Variants in USP43 observed in about 807,000 individuals in gnomAD.
USP43 encodes the protein ubiquitin carboxyl-terminal hydrolase 43.
In USP43, 33 loss-of-function variants were observed where a neutral mutation model predicts 90.7. The observed-to-expected ratio is 0.36, with a 90% confidence interval of 0.28 to 0.49. The LOEUF is 0.49. USP43 is among the 20% of genes least tolerant of loss of function. USP43 has a pLI of 0.98. For missense variants in USP43, 1,274 were observed against 1,476.4 expected (o/e 0.86, Z 2.25); for synonymous variants, 598 against 615.8 (o/e 0.97, Z 0.43).
At chr17:9,694,563 C>A (rs1459755564) in intron 9 of USP43, among the ~76,000 whole-genome samples, 4 of 152,082 alleles carry the variant, frequency 2.6e-5, no homozygotes, top group Admixed American at 2.6e-4. Flanking sequence ...AAAAATGGAA[C>A]TTTTATTTTA....
chr17:9,709,915 G>C lies in USP43; in HGVS notation c.2012-41G>C. On this transcript the variant is annotated intron_variant, in intron 12 of 14. Coordinates refer to ENST00000285199, the MANE Select transcript of USP43 (RefSeq NM_153210.5). This position sits in a 1 kb window ranked among gnomAD's most constrained non-coding sequence, Gnocchi z 5.0. ...AGTGGGAAATGTCTTCCTACCTTTT[G>C]GGGCTCCAATAACTCAGACTTGGGG... 4.3e-6 allele frequency: 6 copies of C among 1,380,106 alleles called. No homozygotes were observed. The highest frequency in any genetic ancestry group is 5.7e-6 in the Non-Finnish European group (6 of 1,057,480). The allele number at this position is 1,380,106 out of a possible 1,614,324, so 85.5% of individuals were successfully genotyped here. A position where few individuals can be genotyped will look rare whatever the true frequency, so the allele number is the denominator to read the frequency against.
chr17:9,687,971 A>G (rs1360772004), intron 8 of USP43, among the ~76,000 whole-genome samples: 1 of 152,104 alleles, frequency 6.6e-6, no homozygotes, highest in Admixed American at 6.5e-5. Context: ...AATGGATGAA[A>G]CTATGCTTTT....
chr17:9,728,486 G>A lies in USP43; in HGVS notation c.2868G>A (p.Lys956=). 1 of 1,613,816 alleles carries A rather than the reference G, an allele frequency of 6.2e-7. No homozygotes were observed. Among genetic ancestry groups the A allele is most frequent in the Non-Finnish European group, 8.5e-7 (1 of 1,179,804 alleles). The part of the protein sequence containing the change: ...RPEGQKAMNW[K]ESFQMGSKSS... ...AGGGCCAGAAGGCCATGAACTGGAA[G>A]GAGAGCTTCCAGATGGGAAGCAAAA... Residue 956 remains lysine (K), a synonymous_variant, in exon 15 of 15, where the codon AAG becomes AAA. Coordinates refer to ENST00000285199, the MANE Select transcript of USP43 (RefSeq NM_153210.5). The surrounding 1 kb of genome is among the most constrained non-coding windows in gnomAD (Gnocchi z 6.2).
intron 9 of USP43, among the ~76,000 whole-genome samples, chr17:9,696,222 C>T (rs1386302777): frequency 6.6e-6 from 1 of 152,070 alleles, no homozygotes; most frequent in Non-Finnish European, 1.5e-5. Context: ...CAACCCCCGC[C>T]TCCTGGATTC....
chr17:9,686,839 C>G lies in USP43; in HGVS notation c.1283C>G (p.Ser428Cys), dbSNP rs199841015. ...CTGATAAGGGAAGACAGAGCTGTTTCCTGGGCCCAGCTCCAGCAGTCTATC... is the reference window on the plus strand; with the variant it reads ...CTGATAAGGGAAGACAGAGCTGTTTGCTGGGCCCAGCTCCAGCAGTCTATC... ...PFLIREDRAV[S>C]WAQLQQSILS... Residue 428 changes from serine (S) to cysteine (C), a missense_variant, in exon 8 of 15, where the codon TCC (serine) becomes TGC (cysteine). Ser to Cys is a moderately radical substitution (Grantham distance 112). Coordinates refer to ENST00000285199, the MANE Select transcript of USP43 (RefSeq NM_153210.5). This position sits in a 1 kb window ranked among gnomAD's most constrained non-coding sequence, Gnocchi z 5.5. 80 of 1,613,792 alleles carry G rather than the reference C, an allele frequency of 5.0e-5. No individual in the cohort carries two copies. Among genetic ancestry groups the G allele is most frequent in the Admixed American group, 5.0e-5 (3 of 59,986 alleles).
chr17:9,709,936 T>C lies in USP43; in HGVS notation c.2012-20T>C, dbSNP rs771346183. On this transcript the variant is annotated intron_variant, in intron 12 of 14. Transcript: ENST00000285199. This position sits in a 1 kb window ranked among gnomAD's most constrained non-coding sequence, Gnocchi z 5.0. ...TTTTGGGGCTCCAATAACTCAGACT[T>C]GGGGATGGGACCTTTGCAGCCTACT... 4.3e-6 allele frequency: 6 copies of C among 1,400,818 alleles called. No homozygotes were observed. In the African/African-American group the frequency reaches 8.8e-5, roughly 21 times the overall value. 86.8% of individuals were successfully genotyped at this position (1,400,818 alleles called of 1,614,324 possible).
chr17:9,674,429 T>C lies in USP43; in HGVS notation c.741-462T>C, dbSNP rs1913635983. Among the ~76,000 whole-genome samples, 1 of 152,132 alleles carries C rather than the reference T, an allele frequency of 6.6e-6. No individual in the cohort carries two copies. Among genetic ancestry groups the C allele is most frequent in the Non-Finnish European group, 1.5e-5 (1 of 68,016 alleles). On this transcript the variant is annotated intron_variant, in intron 3 of 14. Transcript: ENST00000285199. This position sits in a 1 kb window ranked among gnomAD's most constrained non-coding sequence, Gnocchi z 4.4. ...ACCCAGTAAGCAGTCAGCCTCATCC[T>C]CCCTTCCCTCAGCTCCTGGCAACCA...
chr17:9,678,412 A>C (rs749978214), intron 5 of USP43, among the ~76,000 whole-genome samples: 19 of 152,190 alleles, frequency 1.2e-4, no homozygotes, highest in Non-Finnish European at 2.6e-4. Context: ...GCTGGAGTGC[A>C]GTGGCACGAT....
chr17:9,685,373 T>A (rs1327523445), intron 7 of USP43, among the ~76,000 whole-genome samples: 2 of 152,202 alleles, frequency 1.3e-5, no homozygotes, highest in Non-Finnish European at 2.9e-5. Flanking sequence ...GTGCGCTTAC[T>A]ATGTTGGGAC....
chr17:9,713,974 G>A (rs1483005387), intron 14 of USP43, among the ~76,000 whole-genome samples: 1 of 152,182 alleles, frequency 6.6e-6, no homozygotes, highest in Non-Finnish European at 1.5e-5. Context: ...TTGAGGTGAG[G>A]ATGGTTTGGG....
chr17:9,690,958 T>C (rs1467060456), intron 8 of USP43, among the ~76,000 whole-genome samples: 2 of 152,188 alleles, frequency 1.3e-5, no homozygotes, highest in Non-Finnish European at 2.9e-5. Flanking sequence ...GTAGCTACCA[T>C]TCTACTTTCT....
chr17:9,706,407 T>C (rs1430080149), intron 12 of USP43, among the ~76,000 whole-genome samples: 1 of 152,162 alleles, frequency 6.6e-6, no homozygotes, highest in African/African-American at 2.4e-5. Flanking sequence ...TTATGAGTCA[T>C]GATTAGAAAG....
rs1035827094 is a variant in USP43 at position 9,712,204 on chromosome 17, C to T, written c.2335+72C>T. On this transcript the variant is annotated intron_variant, in intron 14 of 14. Transcript: ENST00000285199. ...CTGTTGTTATTGCTCAGTATGAAAG[C>T]GCTGTCACTTCGTAGTCTTGAATGG... 2.7e-5 allele frequency: 39 copies of T among 1,435,258 alleles called. No homozygotes were observed. In the African/African-American group the frequency reaches 4.2e-4, roughly 16 times the overall value. 88.9% of individuals were successfully genotyped at this position (1,435,258 alleles called of 1,614,324 possible).
intron 1 of USP43, among the ~76,000 whole-genome samples, chr17:9,655,700 G>A (rs562977052): frequency 1.4e-4 from 21 of 152,168 alleles, no homozygotes; most frequent in Non-Finnish European, 2.4e-4. Context: ...TTTGTTCACT[G>A]TTGTATCCCC....
chr17:9,664,626 C>T (rs1001489333), intron 2 of USP43, among the ~76,000 whole-genome samples: 7 of 151,442 alleles, frequency 4.6e-5, no homozygotes, highest in South Asian at 2.1e-4. Context: ...TTATGTGGGG[C>T]CTTGCATAGA....
Position 9,646,130 on chromosome 17 carries a change from G to A in USP43, c.498G>A (p.Glu166=). 1 of 1,451,096 alleles carries A rather than the reference G, an allele frequency of 6.9e-7. No individual in the cohort carries two copies. The allele number at this position is 1,451,096 out of a possible 1,614,324, so 89.9% of individuals were successfully genotyped here. A position where few individuals can be genotyped will look rare whatever the true frequency, so the allele number is the denominator to read the frequency against. ...AATACACGCCCCAACTTTCCGCGGA[G>A]TTCAAGGTAGGCAGCGCTGCGCCGC... ...TREYTPQLSA[E]FKNAVSKYGS... The change falls in exon 1 of 15, where the codon GAG becomes GAA. Residue 166 remains glutamate (E), a synonymous_variant. Transcript: ENST00000285199.
chr17:9,682,303 C>T (rs997672763), intron 6 of USP43, among the ~76,000 whole-genome samples: 5 of 152,172 alleles, frequency 3.3e-5, no homozygotes, highest in African/African-American at 1.2e-4. Context: ...TGCAGTGGCT[C>T]ACGCCTGAAA....
chr17:9,707,093 A>G (rs1237411524), intron 12 of USP43, among the ~76,000 whole-genome samples: 1 of 152,150 alleles, frequency 6.6e-6, no homozygotes, highest in African/African-American at 2.4e-5. Flanking sequence ...TTTGTTTGCC[A>G]TTTTACATAT....
chr17:9,723,862 G>C (rs1287896947), intron 14 of USP43, among the ~76,000 whole-genome samples: 1 of 151,994 alleles, frequency 6.6e-6, no homozygotes, highest in Non-Finnish European at 1.5e-5. Flanking sequence ...ACCCGCCTCG[G>C]CCTCCCAAAG....
Sources: allele counts gnomAD v4.1 joint callset (sites outside exome capture counted in the v4.1 genomes callset), GRCh38; gene constraint gnomAD v4.1.1; non-coding constraint Gnocchi (gnomAD v3.1); transcripts MANE v1.5; gene names NCBI Gene and HGNC (gene_info 2026-07-23, HGNC 2026-07-21).